The following DENND5B variants were observed in gnomAD, a reference collection of about 807,000 sequenced individuals.
DENND5B encodes DENN domain containing 5B.
In DENND5B, 34 loss-of-function variants were observed where a neutral mutation model predicts 140.6. That is an observed-to-expected ratio of 0.24 (90% CI 0.18 to 0.32). The LOEUF (loss-of-function observed/expected upper bound fraction) is 0.32. Among genes scored for constraint, DENND5B ranks in the 10% least tolerant of loss-of-function variants. The probability of loss-of-function intolerance (pLI) is 1.00; values close to 1 mark genes in which losing one functional copy is unlikely to be tolerated. For synonymous variants in DENND5B, 551 were observed against 562.1 expected (o/e 0.98, Z 0.28); for missense variants, 1,142 against 1,560.2 (o/e 0.73, Z 4.52).
intron 1 of DENND5B, among the ~76,000 whole-genome samples, chr12:31,569,495 TCTC>T (rs1949743155): frequency 6.6e-6 from 1 of 152,118 alleles, no homozygotes; most frequent in Non-Finnish European, 1.5e-5. Flanking sequence ...TGTGTTATAT[TCTC>T]CTCCCAAAAA....
chr12:31,485,316 C>A (rs4421825), intron 2 of DENND5B, among the ~76,000 whole-genome samples: 1 of 152,162 alleles, frequency 6.6e-6, no homozygotes, highest in Non-Finnish European at 1.5e-5. Flanking sequence ...TCAAGCATCT[C>A]GACAATTTTT....
chr12:31,397,661 C>T (rs1394002016), intron 17 of DENND5B, among the ~76,000 whole-genome samples: 2 of 150,020 alleles, frequency 1.3e-5, no homozygotes, highest in Non-Finnish European at 3.0e-5. Flanking sequence ...TCTGGTGGCA[C>T]ACGCCTGTAA....
intron 2 of DENND5B, among the ~76,000 whole-genome samples, chr12:31,483,494 G>A (rs1382511299): frequency 6.6e-6 from 1 of 151,558 alleles, no homozygotes; most frequent in Non-Finnish European, 1.5e-5. Context: ...AGGCTGGAGT[G>A]CAGTGGCGCG....
At chr12:31,482,431 CA>C (rs1946103335) in intron 2 of DENND5B, among the ~76,000 whole-genome samples, 1 of 152,156 alleles carries the variant, frequency 6.6e-6, no homozygotes, top group Non-Finnish European at 1.5e-5. Context: ...TCTGTAATTC[CA>C]TCCATCTAAT....
At chr12:31,540,441 G>A (rs1057363328) in intron 1 of DENND5B, among the ~76,000 whole-genome samples, 1 of 152,142 alleles carries the variant, frequency 6.6e-6, no homozygotes, top group African/African-American at 2.4e-5. Context: ...ATCACTTGAG[G>A]CCAAGAGTTC....
chr12:31,552,390 C>G (rs1410131553), intron 1 of DENND5B, among the ~76,000 whole-genome samples: 5 of 152,166 alleles, frequency 3.3e-5, no homozygotes, highest in South Asian at 2.1e-4. Flanking sequence ...GTTGAACCAG[C>G]CTTGCATCCC....
In DENND5B at chr12:31,390,000, GA is replaced by G. The variant is rs796676185; in HGVS notation, c.3467-503del. ...CAATAAGATTCTAGGCATTCCAGAA[GA>G]AAAAAAAAAAATCACTCCTGGGGGC... On this transcript the variant is annotated intron_variant, in intron 19 of 20. Transcript: ENST00000389082. Among the ~76,000 whole-genome samples, 386 of 140,718 alleles carry G rather than the reference GA, an allele frequency of 2.7e-3. 4 individuals are homozygous for G. In the East Asian group the frequency reaches 0.037, roughly 13 times the overall value. The allele number at this position is 140,718 out of a possible 152,430, so 92.3% of individuals were successfully genotyped here.
chr12:31,572,539 CAAAAA>C (rs10531167), intron 1 of DENND5B, among the ~76,000 whole-genome samples: 18,724 of 135,434 alleles, frequency 0.14, 1,452 homozygotes, highest in Non-Finnish European at 0.19. Context: ...TACTCTTTCT[CAAAAA>C]AAAAAAAAAA....
In DENND5B at chr12:31,473,034, G is replaced by A. The variant is rs543485291; in HGVS notation, c.904+6555C>T. ...AGGTTACTGCAACCTCCACCTCCCA[G>A]GCTCAAGCGATCTCCCACCTCAGCC... On this transcript the variant is annotated intron_variant, in intron 3 of 20. Transcript: ENST00000389082. Among the ~76,000 whole-genome samples, 36 of 152,216 alleles carry A rather than the reference G, an allele frequency of 2.4e-4. 1 individual carries two copies. In the South Asian group the frequency reaches 7.5e-3, roughly 32 times the overall value.
intron 2 of DENND5B, among the ~76,000 whole-genome samples, chr12:31,490,415 T>C (rs1039940390): frequency 4.0e-5 from 6 of 151,664 alleles, no homozygotes; most frequent in African/African-American, 1.2e-4. Flanking sequence ...AGTTCGAGAG[T>C]AGCCTAAGCA....
chr12:31,442,314 A>G (rs1319784933), intron 7 of DENND5B, among the ~76,000 whole-genome samples: 1 of 152,204 alleles, frequency 6.6e-6, no homozygotes, highest in Non-Finnish European at 1.5e-5. Flanking sequence ...GAAGCCTCGA[A>G]GGGAGCGTGG....
chr12:31,537,301 C>T (rs1241370659), intron 1 of DENND5B, among the ~76,000 whole-genome samples: 1 of 151,896 alleles, frequency 6.6e-6, no homozygotes, highest in East Asian at 1.9e-4. Flanking sequence ...ATAAAAACAA[C>T]AAAAAGTTAG....
At chr12:31,433,086 T>G (rs1943585661) in intron 8 of DENND5B, 69 bp downstream of exon 8, 2 of 1,261,714 alleles carry the variant, frequency 1.6e-6, no homozygotes, top group Non-Finnish European at 2.3e-6. Flanking sequence ...CACAATGACA[T>G]CTGCTGGAAG....
chr12:31,431,149 CAA>C, intron 8 of DENND5B, among the ~76,000 whole-genome samples: 1 of 152,134 alleles, frequency 6.6e-6, no homozygotes, highest in African/African-American at 2.4e-5. Flanking sequence ...CTGCTTAAGA[CAA>C]ATGAAACAAA....
At position 31,479,863 on chromosome 12, in the gene DENND5B, C is replaced by T. The variant is rs759292772; in HGVS notation, c.630G>A (p.Gln210=). 6.2e-7 allele frequency: 1 copy of T among 1,613,782 alleles called. No homozygotes were observed. The highest frequency in any genetic ancestry group is 1.3e-5 in the African/African-American group (1 of 74,914). Residue 210 remains glutamine, a synonymous_variant, in exon 3 of 21, where the codon CAG becomes CAA. Transcript: ENST00000389082. The part of the protein sequence containing the change: ...FMQACKKFLI[Q]LYKAVTSQQP... ...GCTGTGAGGTAACAGCCTTGTAAAG[C>T]TGGATAAGGAATTTCTTGCAGGCCT...
intron 11 of DENND5B, among the ~76,000 whole-genome samples, chr12:31,416,414 C>T (rs1942741784): frequency 6.6e-6 from 1 of 152,000 alleles, no homozygotes; most frequent in South Asian, 2.1e-4. Context: ...CAGGAGTGCG[C>T]CACCACGCCC....
intron 6 of DENND5B, 94 bp from the exon 7 acceptor site, chr12:31,443,019 T>A: frequency 1.7e-6 from 2 of 1,147,810 alleles, no homozygotes; most frequent in Non-Finnish European, 2.4e-6. Context: ...GAGAACCCAA[T>A]CACTCTGACA....
At chr12:31,569,619 GC>G (rs2139386789) in intron 1 of DENND5B, among the ~76,000 whole-genome samples, 1 of 152,018 alleles carries the variant, frequency 6.6e-6, no homozygotes, top group African/African-American at 2.4e-5. Context: ...GACCAGCCTG[GC>G]CAATGTGGTG....
chr12:31,501,949 T>C (rs1437706047), intron 1 of DENND5B, among the ~76,000 whole-genome samples: 2 of 152,100 alleles, frequency 1.3e-5, no homozygotes, highest in Admixed American at 6.6e-5. Flanking sequence ...CATTCTCAAT[T>C]TTTCTGCAAA....
Sources: allele counts gnomAD v4.1 joint callset (sites outside exome capture counted in the v4.1 genomes callset), GRCh38; gene constraint gnomAD v4.1.1; transcripts MANE v1.5; gene names NCBI Gene and HGNC (gene_info 2026-07-23, HGNC 2026-07-21).